Variants in KIRREL1 observed in about 807,000 individuals in gnomAD.
The protein encoded by KIRREL1 is kirre like nephrin family adhesion molecule 1.
KIRREL1 carries 25 observed loss-of-function variants against 83.3 expected under a neutral mutation model. That is an observed-to-expected ratio of 0.30 (90% CI 0.22 to 0.42). The LOEUF is 0.42. Among genes scored for constraint, KIRREL1 ranks in the 10% least tolerant of loss-of-function variants. KIRREL1 has a pLI of 1.00. For missense variants in KIRREL1, 812 were observed against 1,032.3 expected (o/e 0.79, Z 2.92); for synonymous variants, 388 against 410.4 (o/e 0.95, Z 0.66).
chr1:158,094,678 A>G lies in KIRREL1; in HGVS notation c.1832A>G (p.His611Arg), dbSNP rs1463119760. ...PTNGYYNVRA[H>R]EDRPSSRAVL... The stretch of plus-strand genomic sequence containing the variant: ...AATGGCTACTACAACGTGCGTGCCC[A>G]TGAAGACCGCCCGTCTTCCAGGGCA... The change falls in exon 15 of 15, where the codon CAT (histidine) becomes CGT (arginine). Residue 611 changes from histidine to arginine, a missense_variant. By Grantham distance (29) the His-to-Arg change is conservative. Coordinates refer to ENST00000359209, the MANE Select transcript of KIRREL1 (RefSeq NM_018240.7). The surrounding 1 kb of genome is among the most constrained non-coding windows in gnomAD (Gnocchi z 4.6). 3 of 1,609,076 alleles carry G rather than the reference A, an allele frequency of 1.9e-6. No individual in the cohort carries two copies. The highest frequency in any genetic ancestry group is 2.2e-5 in the East Asian group (1 of 44,856).
At chr1:158,046,433 G>C (rs895914428) in intron 1 of KIRREL1, among the ~76,000 whole-genome samples, 1 of 152,160 alleles carries the variant, frequency 6.6e-6, no homozygotes, top group Admixed American at 6.5e-5. Context: ...ACAGCCAAGT[G>C]GGGGTGTCCA....
At chr1:158,008,976 G>A (rs1187895116) in intron 1 of KIRREL1, among the ~76,000 whole-genome samples, 1 of 152,132 alleles carries the variant, frequency 6.6e-6, no homozygotes, top group African/African-American at 2.4e-5. Context: ...CAGATGGTCA[G>A]CTCTGCTGTC....
chr1:158,018,514 G>GT (rs1448927074), intron 1 of KIRREL1, among the ~76,000 whole-genome samples: 1 of 152,188 alleles, frequency 6.6e-6, no homozygotes, highest in Non-Finnish European at 1.5e-5. Flanking sequence ...AGTGTGGCCT[G>GT]TAGGGAAGCA....
intron 1 of KIRREL1, among the ~76,000 whole-genome samples, chr1:158,007,499 GT>G (rs1659553277): frequency 6.6e-6 from 1 of 152,184 alleles, no homozygotes; most frequent in Non-Finnish European, 1.5e-5. Flanking sequence ...TTTGTCAAAT[GT>G]GGTCCCTGCA....
chr1:157,996,291 C>T (rs1557982209), intron 1 of KIRREL1, among the ~76,000 whole-genome samples: 2 of 152,092 alleles, frequency 1.3e-5, no homozygotes, highest in Admixed American at 6.5e-5. Context: ...TTCCATCATG[C>T]GCCGGCTCCA....
intron 8 of KIRREL1, 159 bp from the exon 9 acceptor site, chr1:158,089,343 A>C: frequency 1.8e-6 from 2 of 1,114,226 alleles, no homozygotes; most frequent in Non-Finnish European, 2.6e-6. Flanking sequence ...GTGTAGAGTC[A>C]GAGCATGGAC....
intron 1 of KIRREL1, among the ~76,000 whole-genome samples, chr1:158,058,620 G>A (rs1359257634): frequency 6.6e-6 from 1 of 152,224 alleles, no homozygotes; most frequent in Non-Finnish European, 1.5e-5. Context: ...AGGTCTCGGG[G>A]AGCTAGTGCA....
chr1:158,072,786 T>G (rs1460667167), intron 1 of KIRREL1, among the ~76,000 whole-genome samples: 4 of 151,808 alleles, frequency 2.6e-5, no homozygotes, highest in African/African-American at 9.7e-5. Context: ...TGACATGTGG[T>G]GGCGAGGGGG....
At chr1:157,996,201 A>G (rs1659194725) in intron 1 of KIRREL1, among the ~76,000 whole-genome samples, 1 of 152,154 alleles carries the variant, frequency 6.6e-6, no homozygotes, top group South Asian at 2.1e-4. Flanking sequence ...AAGAATTTCA[A>G]TGGGCTTCAT....
At chr1:158,018,186 G>C (rs150976797) in intron 1 of KIRREL1, among the ~76,000 whole-genome samples, 34 of 152,290 alleles carry the variant, frequency 2.2e-4, no homozygotes, top group African/African-American at 7.2e-4. Flanking sequence ...GCAGGAAACT[G>C]CCATTTTAAT....
intron 1 of KIRREL1, among the ~76,000 whole-genome samples, chr1:157,998,260 T>C (rs1659260506): frequency 6.6e-6 from 1 of 152,158 alleles, no homozygotes; most frequent in African/African-American, 2.4e-5. Context: ...CTTTGCCAGA[T>C]CCTACATGCC....
At chr1:158,003,399 G>A (rs888777116) in intron 1 of KIRREL1, among the ~76,000 whole-genome samples, 21 of 152,220 alleles carry the variant, frequency 1.4e-4, no homozygotes, top group East Asian at 9.7e-4. Context: ...ACATTTCATC[G>A]AGACAGTGGG....
Position 158,029,372 on chromosome 1 carries a change from T to TGCGCGC in KIRREL1, c.52+35647_52+35652dup, listed in dbSNP as rs1553238128. Among the ~76,000 whole-genome samples, 4 of 149,504 alleles carry TGCGCGC rather than the reference T, an allele frequency of 2.7e-5. No homozygotes were observed. The East Asian group carries it at 7.9e-4, about 30-fold the overall frequency. On this transcript the variant is annotated intron_variant, in intron 1 of 14. Transcript: ENST00000359209. The stretch of plus-strand genomic sequence containing the variant: ...GTGTGTGTGTGTGTGTGTGTGCACG[T>TGCGCGC]GCGCGCGCATGCACACATGCATGCA...
intron 1 of KIRREL1, among the ~76,000 whole-genome samples, chr1:158,001,052 C>T (rs775531336): frequency 2.5e-4 from 38 of 152,290 alleles, no homozygotes; most frequent in Non-Finnish European, 4.0e-4. Flanking sequence ...CTGTGCCCAG[C>T]AGGTTTATCC....
intron 8 of KIRREL1, among the ~76,000 whole-genome samples, chr1:158,088,903 A>AGTGCTTAC (rs1434030468): frequency 1.3e-5 from 2 of 151,804 alleles, no homozygotes; most frequent in South Asian, 4.2e-4. Context: ...TGGAGGAGAA[A>AGTGCTTAC]GTGCTTACGG....
chr1:158,034,269 C>CAAAAAAAAAAAAAA (rs750353894), intron 1 of KIRREL1, among the ~76,000 whole-genome samples: 1 of 113,692 alleles, frequency 8.8e-6, no homozygotes, highest in Non-Finnish European at 1.7e-5. Context: ...GACTCCGTCT[C>CAAAAAAAAAAAAAA]AAAAAAAAAA....
In KIRREL1 at chr1:158,094,998, C is replaced by A; in HGVS notation, c.2152C>A (p.Arg718=). The change falls in exon 15 of 15, where the codon CGG becomes AGG. Residue 718 remains arginine, a synonymous_variant. Coordinates refer to ENST00000359209, the MANE Select transcript of KIRREL1 (RefSeq NM_018240.7). This position sits in a 1 kb window ranked among gnomAD's most constrained non-coding sequence, Gnocchi z 4.6. ...CCAGGCCCCACCCTCTGGCCTGGAG[C>A]GGACCCCATATGAGGCGTATGACCC... is the stretch of plus-strand genomic sequence containing the variant. ...YPQAPPSGLE[R]TPYEAYDPIG... The A allele has an allele frequency of 6.2e-7, 1 of 1,613,954 alleles. No homozygotes were observed. The highest frequency in any genetic ancestry group is 8.5e-7 in the Non-Finnish European group (1 of 1,179,946).
chr1:158,095,211 C>T lies in KIRREL1; in HGVS notation c.*91C>T. On this transcript the variant is annotated 3_prime_UTR_variant, in exon 15 of 15. Transcript: ENST00000359209. ...TATTCAGGGGCATTGCTCATTGCTC[C>T]CTTCTCGGACCAGCCTTCTTCCTCC... is the stretch of plus-strand genomic sequence containing the variant. 1.1e-6 allele frequency: 1 copy of T among 926,422 alleles called. No individual in the cohort carries two copies. Among genetic ancestry groups the T allele is most frequent in the Non-Finnish European group, 1.6e-6 (1 of 626,994 alleles). The allele number at this position is 926,422 out of a possible 1,614,324, so 57.4% of individuals were successfully genotyped here.
intron 1 of KIRREL1, among the ~76,000 whole-genome samples, chr1:158,061,810 A>G (rs1661221800): frequency 6.6e-6 from 1 of 152,146 alleles, no homozygotes; most frequent in African/African-American, 2.4e-5. Context: ...AGGAAACTGA[A>G]TATCTCCTTT....
Sources: gnomAD v4.1 joint callset for allele counts (sites outside exome capture counted in the v4.1 genomes callset) on GRCh38, gnomAD v4.1.1 for gene constraint, Gnocchi (gnomAD v3.1) non-coding constraint, MANE v1.5 for transcripts, NCBI Gene and HGNC (gene_info 2026-07-23, HGNC 2026-07-21) for gene names.